The following LYPD6B variants were observed in gnomAD, a reference collection of about 807,000 sequenced individuals.
LYPD6B encodes the protein LY6/PLAUR domain containing 6B.
A neutral mutation model predicts 22.8 loss-of-function variants in LYPD6B; 17 were observed. The observed-to-expected ratio is 0.75, with a 90% CI of 0.51 to 1.12. The LOEUF (loss-of-function observed/expected upper bound fraction) is 1.12. Among genes scored for constraint, LYPD6B ranks in the 50% most tolerant of loss-of-function variants. The pLI, the probability that LYPD6B is intolerant of heterozygous loss-of-function variation, is 0.00. For missense variants in LYPD6B, 221 were observed against 258.3 expected (o/e 0.86, Z 0.99); for synonymous variants, 106 against 91.6 (o/e 1.16, Z -0.90).
rs73017054 is a variant in LYPD6B, at chr2:149,150,202, A to G, written c.6-10562A>G. 2.8e-3 allele frequency among the ~76,000 whole-genome samples: 427 copies of G among 152,216 alleles called. 5 individuals are homozygous for G. Among genetic ancestry groups the G allele is most frequent in the African/African-American group, 9.9e-3 (410 of 41,542 alleles). On this transcript the variant is annotated intron_variant, in intron 2 of 6. Transcript: ENST00000409642. Reference sequence around the variant, plus strand: ...TGGAGCCCTGAATCTTCTTGCGTTAATGTGGATGGGTTGCTCTGTATGCTT... The same window carrying G: ...TGGAGCCCTGAATCTTCTTGCGTTAGTGTGGATGGGTTGCTCTGTATGCTT...
rs60755138 is a variant in LYPD6B at position 149,047,564 on chromosome 2, A to AGT, written c.-67+8780_-67+8781dup. On this transcript the variant is annotated intron_variant, in intron 1 of 6. Transcript: ENST00000409642. Reference sequence around the variant, plus strand: ...GCTCTTTGAATATGATATGCCTGGGAGTGTGTGTGTGTGTGTGTACATGTA... The same window carrying AGT: ...GCTCTTTGAATATGATATGCCTGGGAGTGTGTGTGTGTGTGTGTGTACATGTA... Among the ~76,000 whole-genome samples the AGT allele has an allele frequency of 1.6e-3, 234 of 149,180 alleles. 4 individuals are homozygous for AGT. In the East Asian group the frequency reaches 0.028, roughly 18 times the overall value.
At chr2:149,152,693 T>G (rs770290803) in intron 2 of LYPD6B, among the ~76,000 whole-genome samples, 1 of 152,240 alleles carries the variant, frequency 6.6e-6, no homozygotes, top group Non-Finnish European at 1.5e-5. Flanking sequence ...AATTGTCAAC[T>G]GTCTTGGCAC....
chr2:149,175,061 C>CTCTCTCTCTCTCTCTGTGTGTGTG (rs1454802925), intron 3 of LYPD6B, among the ~76,000 whole-genome samples: 2 of 113,002 alleles, frequency 1.8e-5, no homozygotes, highest in African/African-American at 6.5e-5. Context: ...CTCTCTCTCT[C>CTCTCTCTCTCTCTCTGTGTGTGTG]TGTGTGTGTG....
intron 3 of LYPD6B, among the ~76,000 whole-genome samples, chr2:149,181,884 C>A: frequency 6.6e-6 from 1 of 152,286 alleles, no homozygotes; most frequent in East Asian, 1.9e-4. Flanking sequence ...CCAAATTCTT[C>A]TTTCTTCTCC....
chr2:149,189,801 T>A (rs1692379530), intron 3 of LYPD6B, among the ~76,000 whole-genome samples: 2 of 152,128 alleles, frequency 1.3e-5, no homozygotes, highest in African/African-American at 4.8e-5. Flanking sequence ...CAAAATGTAA[T>A]TAGGATGGTG....
chr2:149,090,949 T>A (rs891728630), intron 1 of LYPD6B, among the ~76,000 whole-genome samples: 1 of 152,010 alleles, frequency 6.6e-6, no homozygotes, highest in Non-Finnish European at 1.5e-5. Flanking sequence ...GTGTGGTTAC[T>A]TTTTTTTGAA....
At chr2:149,162,334 T>A (rs549315317) in intron 3 of LYPD6B, among the ~76,000 whole-genome samples, 1 of 152,180 alleles carries the variant, frequency 6.6e-6, no homozygotes, top group African/African-American at 2.4e-5. Flanking sequence ...TCTATTAATA[T>A]CCACCTTTTA....
chr2:149,173,940 A>T (rs1304980705), intron 3 of LYPD6B, among the ~76,000 whole-genome samples: 1 of 152,184 alleles, frequency 6.6e-6, no homozygotes, highest in Non-Finnish European at 1.5e-5. Context: ...AATGTCAATG[A>T]TAGTTTAATG....
chr2:149,211,639 A>G (rs1029843250), intron 5 of LYPD6B, among the ~76,000 whole-genome samples: 7 of 141,686 alleles, frequency 4.9e-5, no homozygotes, highest in Non-Finnish European at 1.1e-4. Flanking sequence ...TACTAAAACC[A>G]AAAAAAAAAA....
intron 2 of LYPD6B, among the ~76,000 whole-genome samples, chr2:149,134,764 C>T (rs1227904885): frequency 6.6e-6 from 1 of 152,206 alleles, no homozygotes. Flanking sequence ...CGTAGTCAAT[C>T]TGGGTTGTCA....
intron 1 of LYPD6B, among the ~76,000 whole-genome samples, chr2:149,084,121 A>AAAT (rs900794416): frequency 2.7e-4 from 40 of 150,924 alleles, no homozygotes; most frequent in Admixed American, 1.0e-3. Context: ...AAATAAAATA[A>AAAT]AACACTTTTA....
At chr2:149,041,197 A>AT (rs34327402) in intron 1 of LYPD6B, among the ~76,000 whole-genome samples, 137,844 of 151,952 alleles carry the variant, frequency 0.91, 64,054 homozygotes, top group East Asian at 1. Flanking sequence ...TTGTTGTAAT[A>AT]TGTTTAGGTT....
intron 1 of LYPD6B, among the ~76,000 whole-genome samples, chr2:149,085,044 A>G (rs1685323311): frequency 6.6e-6 from 1 of 152,246 alleles, no homozygotes; most frequent in Non-Finnish European, 1.5e-5. Context: ...CTTACCAGTT[A>G]GTATGTGCCA....
chr2:149,108,180 G>A (rs1442534073), intron 1 of LYPD6B, among the ~76,000 whole-genome samples: 1 of 152,112 alleles, frequency 6.6e-6, no homozygotes, highest in East Asian at 1.9e-4. Flanking sequence ...CTGTCTGTTT[G>A]CCTGCTGCCA....
chr2:149,181,839 T>G (rs952964217), intron 3 of LYPD6B, among the ~76,000 whole-genome samples: 3 of 152,220 alleles, frequency 2.0e-5, no homozygotes, highest in Non-Finnish European at 4.4e-5. Context: ...TTACATCCTA[T>G]TTTTCATTCA....
chr2:149,214,861 A>G lies in LYPD6B; in HGVS notation c.*151A>G. ...CGAAAGCCAGTGGTTTGCTTGGATA[A>G]AATGTTCCCGCATGAGGCCACAGGA... On this transcript the variant is annotated 3_prime_UTR_variant, in exon 7 of 7. Transcript: ENST00000409642. The G allele has an allele frequency of 1.2e-6, 1 of 834,810 alleles. No individual in the cohort carries two copies. Among genetic ancestry groups the G allele is most frequent in the South Asian group, 1.6e-5 (1 of 62,630 alleles). The allele number at this position is 834,810 out of a possible 1,614,324, so 51.7% of individuals were successfully genotyped here.
intron 3 of LYPD6B, among the ~76,000 whole-genome samples, chr2:149,203,385 C>T (rs1057196161): frequency 6.6e-6 from 1 of 152,160 alleles, no homozygotes; most frequent in Non-Finnish European, 1.5e-5. Context: ...GTCTCCCCCA[C>T]ACAAAGGGTC....
chr2:149,163,649 T>A (rs1221400874), intron 3 of LYPD6B, among the ~76,000 whole-genome samples: 1 of 152,218 alleles, frequency 6.6e-6, no homozygotes, highest in African/African-American at 2.4e-5. Context: ...TGGGTATCAG[T>A]TCTTCCCTCA....
Position 149,114,574 on chromosome 2 carries a change from A to G in LYPD6B, c.-66-16309A>G, listed in dbSNP as rs527439986. ...TTGAAATTTGAAGTTCAGTGTTAAC[A>G]TGAAGGGGGTTCACACACTACTGTT... On this transcript the variant is annotated intron_variant, in intron 1 of 6. Transcript: ENST00000409642. Among the ~76,000 whole-genome samples, 6 of 152,306 alleles carry G rather than the reference A, an allele frequency of 3.9e-5. No homozygotes were observed. The South Asian group carries it at 1.2e-3, about 32-fold the overall frequency.
Sources: gnomAD v4.1 joint callset for allele counts (sites outside exome capture counted in the v4.1 genomes callset) on GRCh38, gnomAD v4.1.1 for gene constraint, MANE v1.5 for transcripts, NCBI Gene and HGNC (gene_info 2026-07-23, HGNC 2026-07-21) for gene names.